Variants in CSMD1 observed in about 807,000 individuals in gnomAD.
CSMD1 encodes CUB and Sushi multiple domains 1, also known as CUB and sushi domain-containing protein 1.
Under a neutral mutation model 417.5 loss-of-function variants are expected in CSMD1, and 213 were observed. The ratio of observed to expected loss-of-function variants is 0.51; its 90% confidence interval spans 0.46 to 0.57. The LOEUF is 0.57. Ranked by LOEUF, CSMD1 falls within the 20% of genes least tolerant of loss-of-function variation. CSMD1 has a pLI of 0.00. For synonymous variants in CSMD1, 2,862 were observed against 1,736.8 expected (o/e 1.65, Z -16.11); for missense variants, 6,923 against 4,529.7 (o/e 1.53, Z -15.17).
intron 3 of CSMD1, among the ~76,000 whole-genome samples, chr8:4,199,127 A>G (rs984912044): frequency 2.6e-5 from 4 of 152,156 alleles, no homozygotes; most frequent in Admixed American, 6.5e-5. Flanking sequence ...TAAAGTTCTC[A>G]TATATTTGTA....
intron 3 of CSMD1, among the ~76,000 whole-genome samples, chr8:4,043,410 G>A (rs545076311): frequency 6.6e-6 from 1 of 152,292 alleles, no homozygotes; most frequent in Non-Finnish European, 1.5e-5. Context: ...AAGCGTAAAT[G>A]ACATGAACCT....
chr8:3,543,560 G>C (rs1410704304), intron 10 of CSMD1, among the ~76,000 whole-genome samples: 1 of 152,038 alleles, frequency 6.6e-6, no homozygotes, highest in African/African-American at 2.4e-5. Context: ...CAGAGTGTAT[G>C]GGTCTGCTGA....
intron 4 of CSMD1, among the ~76,000 whole-genome samples, chr8:4,021,831 C>A (rs971245388): frequency 6.6e-6 from 1 of 152,110 alleles, no homozygotes; most frequent in Non-Finnish European, 1.5e-5. Flanking sequence ...AGACCCGGGG[C>A]TCTAGTTGGC....
intron 2 of CSMD1, among the ~76,000 whole-genome samples, chr8:4,500,030 G>C (rs1242070888): frequency 2.6e-5 from 4 of 151,996 alleles, no homozygotes; most frequent in Non-Finnish European, 5.9e-5. Flanking sequence ...AGAAGTTGTA[G>C]GAGGTGAAAA....
intron 3 of CSMD1, among the ~76,000 whole-genome samples, chr8:4,068,922 ATT>A (rs1445687684): frequency 1.3e-5 from 2 of 152,202 alleles, no homozygotes; most frequent in East Asian, 3.9e-4. Flanking sequence ...AATAATTATA[ATT>A]TTGTGGAGAA....
chr8:3,358,849 T>TTTTC, intron 21 of CSMD1, among the ~76,000 whole-genome samples: 1 of 151,586 alleles, frequency 6.6e-6, no homozygotes, highest in East Asian at 1.9e-4. Context: ...GCTCCAGATT[T>TTTTC]TCTCTCTCTC....
At chr8:4,182,914 A>T (rs886785771) in intron 3 of CSMD1, among the ~76,000 whole-genome samples, 4 of 152,196 alleles carry the variant, frequency 2.6e-5, no homozygotes, top group African/African-American at 7.2e-5. Flanking sequence ...GTAATTGAAG[A>T]CGGTGGATAG....
chr8:3,943,813 T>C (rs758169317), intron 5 of CSMD1, among the ~76,000 whole-genome samples: 1 of 151,956 alleles, frequency 6.6e-6, no homozygotes, highest in Non-Finnish European at 1.5e-5. Flanking sequence ...GCCCTTACTC[T>C]CCAAAAGTGT....
intron 5 of CSMD1, among the ~76,000 whole-genome samples, chr8:3,978,391 C>A (rs1394302116): frequency 6.6e-6 from 1 of 152,126 alleles, no homozygotes; most frequent in Non-Finnish European, 1.5e-5. Context: ...ATTCATAATT[C>A]ATAGATTTCT....
intron 3 of CSMD1, among the ~76,000 whole-genome samples, chr8:4,110,941 C>G (rs1425003980): frequency 6.6e-6 from 1 of 152,082 alleles, no homozygotes; most frequent in Non-Finnish European, 1.5e-5. Flanking sequence ...CTCAGCTGAT[C>G]AATTAATAAG....
chr8:4,842,034 G>A (rs912366334), intron 1 of CSMD1, among the ~76,000 whole-genome samples: 1 of 151,560 alleles, frequency 6.6e-6, no homozygotes, highest in African/African-American at 2.4e-5. Flanking sequence ...CAAGGGAGCT[G>A]AGAGAGATGC....
At chr8:3,598,420 G>C (rs142652685) in intron 8 of CSMD1, 4 of 152,306 alleles carry the variant, frequency 2.6e-5, no homozygotes, top group Admixed American at 2.0e-4. Context: ...GGCAGGGAAA[G>C]ATTTTCCCTC....
chr8:3,818,998 A>C (rs564344922), intron 5 of CSMD1, among the ~76,000 whole-genome samples: 1 of 152,330 alleles, frequency 6.6e-6, no homozygotes, highest in African/African-American at 2.4e-5. Context: ...AGCTGACATC[A>C]ATGATTTATC....
At chr8:4,444,527 G>C (rs1228074233) in intron 2 of CSMD1, among the ~76,000 whole-genome samples, 1 of 151,884 alleles carries the variant, frequency 6.6e-6, no homozygotes, top group Non-Finnish European at 1.5e-5. Flanking sequence ...TTTAGCCACG[G>C]AGAACAATAA....
intron 1 of CSMD1, among the ~76,000 whole-genome samples, chr8:4,876,168 TGC>T (rs1270559777): frequency 6.6e-6 from 1 of 152,094 alleles, no homozygotes; most frequent in East Asian, 1.9e-4. Context: ...TCTATTTCCC[TGC>T]TGGGTAATAA....
intron 5 of CSMD1, among the ~76,000 whole-genome samples, chr8:3,982,199 A>AATAAT (rs1563281397): frequency 2.1e-5 from 3 of 142,436 alleles, no homozygotes; most frequent in African/African-American, 7.7e-5. Context: ...ATATTAATAA[A>AATAAT]AAAAATAATA....
chr8:4,297,846 A>T (rs1797769992), intron 3 of CSMD1, among the ~76,000 whole-genome samples: 1 of 152,234 alleles, frequency 6.6e-6, no homozygotes, highest in Non-Finnish European at 1.5e-5. Context: ...CATTATATAA[A>T]CATTGCTGGT....
intron 1 of CSMD1, among the ~76,000 whole-genome samples, chr8:4,800,661 TCA>T (rs375861127): frequency 2.0e-5 from 3 of 152,284 alleles, no homozygotes; most frequent in Non-Finnish European, 4.4e-5. Flanking sequence ...CTGTGGAGCC[TCA>T]GAGTTGTCCA....
At chr8:3,400,763 T>C (rs762522520) in intron 15 of CSMD1, among the ~76,000 whole-genome samples, 5 of 151,764 alleles carry the variant, frequency 3.3e-5, no homozygotes, top group Non-Finnish European at 7.4e-5. Flanking sequence ...ATGTTAATAA[T>C]GGATAGCACT....
Sources: allele counts gnomAD v4.1 joint callset (sites outside exome capture counted in the v4.1 genomes callset), GRCh38; gene constraint gnomAD v4.1.1; transcripts MANE v1.5; gene names NCBI Gene and HGNC (gene_info 2026-07-23, HGNC 2026-07-21).